MARCHF1: variants seen among roughly 807,000 people sequenced by gnomAD.
The protein encoded by MARCHF1 is E3 ubiquitin-protein ligase MARCHF1.
A neutral mutation model predicts 54.2 loss-of-function variants in MARCHF1; 40 were observed. The ratio of observed to expected loss-of-function variants is 0.74; its 90% CI spans 0.57 to 0.96. The LOEUF (loss-of-function observed/expected upper bound fraction) is 0.96, where lower values mean the gene tolerates loss of function less well. MARCHF1 is among the 40% of genes least tolerant of loss of function. MARCHF1 has a pLI of 0.00. For synonymous variants in MARCHF1, 236 were observed against 236.3 expected, an observed-to-expected ratio of 1.00 and a Z score of 0.01; for missense variants, 586 against 656.5, an observed-to-expected ratio of 0.89 and a Z score of 1.17.
rs376711567 is a variant in MARCHF1, at chr4:163,656,644, G to A, written c.163-43251C>T. Among the ~76,000 whole-genome samples the A allele has an allele frequency of 1.6e-4, 25 of 152,178 alleles. 1 individual carries two copies. In the East Asian group the frequency reaches 2.1e-3, roughly 13 times the overall value. On this transcript the variant is annotated intron_variant, in intron 5 of 9. Transcript: ENST00000514618. The stretch of plus-strand genomic sequence containing the variant: ...GCCAATATCCTTGATGAACATCGAT[G>A]CAGAAATTCTCAGTAAAATACTAGC...
intron 3 of MARCHF1, among the ~76,000 whole-genome samples, chr4:163,983,487 C>T (rs1256717551): frequency 2.6e-5 from 4 of 152,088 alleles, no homozygotes; most frequent in Non-Finnish European, 4.4e-5. Flanking sequence ...TCCATCTGAT[C>T]TTATGAATCA....
intron 1 of MARCHF1, among the ~76,000 whole-genome samples, chr4:164,253,840 C>T (rs939532957): frequency 3.3e-5 from 5 of 152,060 alleles, no homozygotes; most frequent in African/African-American, 1.2e-4. Flanking sequence ...AAATACTACT[C>T]AGCATTAAAA....
intron 2 of MARCHF1, among the ~76,000 whole-genome samples, chr4:163,994,740 TACACACACACACACACACACACACACAC>T (rs576243307): frequency 5.9e-5 from 7 of 119,178 alleles, no homozygotes; most frequent in African/African-American, 2.2e-4. Context: ...CAAGCACACA[TACACACACACACACACACACACACACAC>T]ACACACACAC....
At chr4:163,976,467 T>C (rs2110853926) in intron 3 of MARCHF1, among the ~76,000 whole-genome samples, 1 of 152,282 alleles carries the variant, frequency 6.6e-6, no homozygotes, top group Middle Eastern at 3.4e-3. Flanking sequence ...AGGCAAACTA[T>C]GGTGATTTTA....
chr4:164,050,614 T>C (rs1001683373), intron 2 of MARCHF1, among the ~76,000 whole-genome samples: 2 of 152,148 alleles, frequency 1.3e-5, no homozygotes, highest in African/African-American at 2.4e-5. Context: ...CCCTGGAAGA[T>C]TGCTGGACAT....
chr4:163,794,118 T>A (rs17474185), intron 4 of MARCHF1, among the ~76,000 whole-genome samples: 5,833 of 152,312 alleles, frequency 0.038, 163 homozygotes, highest in South Asian at 0.074. Flanking sequence ...GGACAACTAT[T>A]TGTACTACAT....
At chr4:163,603,517 A>G (rs1741040353) in intron 7 of MARCHF1, among the ~76,000 whole-genome samples, 1 of 152,146 alleles carries the variant, frequency 6.6e-6, no homozygotes, top group South Asian at 2.1e-4. Flanking sequence ...GGACTTAGCA[A>G]AAACATACAG....
At chr4:164,378,718 T>C (rs1399884765) in intron 1 of MARCHF1, among the ~76,000 whole-genome samples, 1 of 152,166 alleles carries the variant, frequency 6.6e-6, no homozygotes, top group African/African-American at 2.4e-5. Context: ...ATAAGTTTGT[T>C]TTTTGTTTTT....
At chr4:163,634,256 T>C (rs1343827707) in intron 5 of MARCHF1, among the ~76,000 whole-genome samples, 3 of 151,024 alleles carry the variant, frequency 2.0e-5, no homozygotes, top group African/African-American at 7.3e-5. Context: ...ATATTAACTT[T>C]AAATGAAAAT....
At chr4:163,703,969 G>T (rs903809389) in intron 4 of MARCHF1, among the ~76,000 whole-genome samples, 1 of 151,924 alleles carries the variant, frequency 6.6e-6, no homozygotes, top group South Asian at 2.1e-4. Context: ...TCTAAGGAAA[G>T]TGACACAGTT....
chr4:163,633,384 T>A (rs1245671226), intron 5 of MARCHF1, among the ~76,000 whole-genome samples: 8 of 151,858 alleles, frequency 5.3e-5, no homozygotes, highest in Admixed American at 4.6e-4. Context: ...GAAAAACCAA[T>A]ACAGAGAAGT....
chr4:164,304,154 CAA>C, intron 1 of MARCHF1, among the ~76,000 whole-genome samples: 2 of 152,138 alleles, frequency 1.3e-5, no homozygotes, highest in African/African-American at 4.8e-5. Flanking sequence ...AGGAGATTGC[CAA>C]AGAGATGCCA....
intron 2 of MARCHF1, among the ~76,000 whole-genome samples, chr4:164,040,532 A>T (rs1754106464): frequency 6.6e-6 from 1 of 150,678 alleles, no homozygotes; most frequent in Non-Finnish European, 1.5e-5. Flanking sequence ...AAAAAGATAA[A>T]GTTTTTTTTG....
intron 4 of MARCHF1, among the ~76,000 whole-genome samples, chr4:163,825,494 T>C (rs941875022): frequency 5.9e-5 from 9 of 151,990 alleles, no homozygotes; most frequent in African/African-American, 2.2e-4. Flanking sequence ...GTAATTCCGT[T>C]TTAAGTTTTT....
At chr4:164,157,951 C>T (rs1251070023) in intron 1 of MARCHF1, among the ~76,000 whole-genome samples, 3 of 152,112 alleles carry the variant, frequency 2.0e-5, no homozygotes, top group African/African-American at 4.8e-5. Flanking sequence ...GCAATTCCAG[C>T]GATGGTTTTC....
chr4:164,120,239 A>G (rs774077730), intron 1 of MARCHF1, among the ~76,000 whole-genome samples: 1 of 152,098 alleles, frequency 6.6e-6, no homozygotes, highest in Non-Finnish European at 1.5e-5. Flanking sequence ...AGACAAAAAG[A>G]GGTCACTATA....
chr4:163,742,945 TTA>T (rs67862756), intron 4 of MARCHF1, among the ~76,000 whole-genome samples: 54,506 of 151,758 alleles, frequency 0.36, 10,547 homozygotes, highest in Non-Finnish European at 0.45. Flanking sequence ...TTTCTTCATA[TTA>T]TCTCTGGAAT....
chr4:163,584,753 C>A (rs981869920), intron 8 of MARCHF1: 1 of 152,080 alleles, frequency 6.6e-6, no homozygotes, highest in African/African-American at 2.4e-5. Flanking sequence ...CTAGAATATT[C>A]TTATTTGCAT....
At chr4:163,778,378 G>A (rs1747365777) in intron 4 of MARCHF1, among the ~76,000 whole-genome samples, 2 of 152,126 alleles carry the variant, frequency 1.3e-5, no homozygotes, top group South Asian at 4.1e-4. Context: ...GGCATTGTCA[G>A]TCTTTTGAAT....
Sources: allele counts gnomAD v4.1 joint callset (sites outside exome capture counted in the v4.1 genomes callset), GRCh38; gene constraint gnomAD v4.1.1; transcripts MANE v1.5; gene names NCBI Gene and HGNC (gene_info 2026-07-23, HGNC 2026-07-21).